TSPAN18: variants seen among roughly 807,000 people sequenced by gnomAD.
TSPAN18 encodes the protein tetraspanin-18.
In TSPAN18, 14 loss-of-function variants were observed where a neutral mutation model predicts 27.3. The ratio of observed to expected loss-of-function variants is 0.51; its 90% CI spans 0.34 to 0.80. The LOEUF (loss-of-function observed/expected upper bound fraction) is 0.80. TSPAN18 is among the 30% of genes least tolerant of loss of function. The pLI is 0.01. For synonymous variants in TSPAN18, 143 were observed against 136.5 expected, an observed-to-expected ratio of 1.05 and a Z score of -0.33; for missense variants, 268 against 323.9, an observed-to-expected ratio of 0.83 and a Z score of 1.32.
intron 2 of TSPAN18, among the ~76,000 whole-genome samples, chr11:44,802,071 C>T (rs1275923349): frequency 6.6e-6 from 1 of 152,110 alleles, no homozygotes; most frequent in Admixed American, 6.5e-5. Context: ...TCAAGAATGT[C>T]ATCATCCATG....
At position 44,932,140 on chromosome 11, in the gene TSPAN18, C is replaced by T. The variant is rs1860597727; in HGVS notation, c.*2962C>T. On this transcript the variant is annotated 3_prime_UTR_variant, in exon 10 of 10. Coordinates refer to ENST00000520358, the MANE Select transcript of TSPAN18 (RefSeq NM_130783.5). The stretch of plus-strand genomic sequence containing the variant: ...GCTTAAGGGGCCCGGACAGGATTTC[C>T]CAAACCAGCCGAGGCCCCAGCACCC... 6.6e-6 allele frequency: 1 copy of T among 152,208 alleles called. No homozygotes were observed. Among genetic ancestry groups the T allele is most frequent in the East Asian group, 1.9e-4 (1 of 5,192 alleles). The allele number at this position is 152,208 out of a possible 1,614,324, so 9.4% of individuals were successfully genotyped here.
At chr11:44,823,071 A>T (rs1258831354) in intron 2 of TSPAN18, among the ~76,000 whole-genome samples, 1 of 152,212 alleles carries the variant, frequency 6.6e-6, no homozygotes, top group Non-Finnish European at 1.5e-5. Context: ...TATCCAGGTC[A>T]TCACTTCATT....
At chr11:44,819,712 T>C (rs1422672927) in intron 2 of TSPAN18, among the ~76,000 whole-genome samples, 2 of 151,752 alleles carry the variant, frequency 1.3e-5, no homozygotes, top group Non-Finnish European at 2.9e-5. Flanking sequence ...TTTTTTTTTT[T>C]CCTCTTTCCT....
intron 3 of TSPAN18, among the ~76,000 whole-genome samples, chr11:44,889,970 T>C (rs1336078792): frequency 1.3e-5 from 2 of 152,214 alleles, no homozygotes; most frequent in Non-Finnish European, 2.9e-5. Flanking sequence ...CCAGAATGGC[T>C]GGGGCTGCCC....
In TSPAN18 at chr11:44,887,267, G is replaced by C. The variant is rs115562190; in HGVS notation, c.-10-19140G>C. ...TCAATTTCCACATCTGTAAGATGGG[G>C]GTGGCAATGCCTACTTGATAGGGAC... On this transcript the variant is annotated intron_variant, in intron 3 of 9. Coordinates refer to ENST00000520358, the MANE Select transcript of TSPAN18 (RefSeq NM_130783.5). Among the ~76,000 whole-genome samples the C allele has an allele frequency of 9.2e-3, 1,399 of 152,270 alleles. 16 individuals carry two copies. Among genetic ancestry groups the C allele is most frequent in the African/African-American group, 0.032 (1,343 of 41,548 alleles).
At chr11:44,904,108 C>G (rs952835622) in intron 3 of TSPAN18, among the ~76,000 whole-genome samples, 2 of 152,144 alleles carry the variant, frequency 1.3e-5, no homozygotes, top group African/African-American at 2.4e-5. Flanking sequence ...AGGACAAAGG[C>G]TTGGAGCCTG....
At chr11:44,753,711 T>C (rs1044752902) in intron 1 of TSPAN18, among the ~76,000 whole-genome samples, 2 of 152,224 alleles carry the variant, frequency 1.3e-5, no homozygotes, top group African/African-American at 4.8e-5. Flanking sequence ...TGTGGCTTGC[T>C]GAGTGAATAC....
chr11:44,812,502 G>A (rs1368382605), intron 2 of TSPAN18, among the ~76,000 whole-genome samples: 2 of 152,264 alleles, frequency 1.3e-5, no homozygotes, highest in Non-Finnish European at 2.9e-5. Context: ...TGGGGATGAC[G>A]CATAAACAGA....
intron 2 of TSPAN18, among the ~76,000 whole-genome samples, chr11:44,809,577 A>G (rs1252522141): frequency 6.6e-6 from 1 of 152,178 alleles, no homozygotes; most frequent in African/African-American, 2.4e-5. Context: ...GATGCTGAAC[A>G]TTAGTACAGA....
At chr11:44,762,935 A>G (rs1855486133) in intron 1 of TSPAN18, among the ~76,000 whole-genome samples, 1 of 152,136 alleles carries the variant, frequency 6.6e-6, no homozygotes, top group Admixed American at 6.5e-5. Flanking sequence ...GAACGTGATA[A>G]CCACTACACT....
chr11:44,906,362 G>C, intron 3 of TSPAN18, 45 bp from the exon 4 acceptor site: 3 of 1,589,270 alleles, frequency 1.9e-6, no homozygotes, highest in Non-Finnish European at 8.6e-7. Context: ...TTCTTCCTGG[G>C]TGGGGTCCCC....
chr11:44,728,885 A>G (rs1318886709), intron 1 of TSPAN18, among the ~76,000 whole-genome samples: 2 of 152,194 alleles, frequency 1.3e-5, no homozygotes, highest in Non-Finnish European at 2.9e-5. Context: ...ACCCCAAGTG[A>G]GTGCAAAGGA....
At chr11:44,795,691 GC>G (rs1856333649) in intron 2 of TSPAN18, among the ~76,000 whole-genome samples, 2 of 151,728 alleles carry the variant, frequency 1.3e-5, no homozygotes, top group Admixed American at 1.3e-4. Context: ...CCCATTTTCT[GC>G]CCCAGGAGCC....
intron 2 of TSPAN18, among the ~76,000 whole-genome samples, chr11:44,842,463 C>T (rs2135168617): frequency 6.6e-6 from 1 of 152,294 alleles, no homozygotes; most frequent in African/African-American, 2.4e-5. Context: ...CCGTGTATTT[C>T]TCTTTTGGAG....
intron 2 of TSPAN18, among the ~76,000 whole-genome samples, chr11:44,819,025 G>A (rs556994443): frequency 1.3e-5 from 2 of 152,294 alleles, no homozygotes; most frequent in South Asian, 4.1e-4. Context: ...GTCTCCCCAG[G>A]TCCCAGTTTC....
At chr11:44,730,624 CTT>C (rs1277542808) in intron 1 of TSPAN18, among the ~76,000 whole-genome samples, 33 of 140,406 alleles carry the variant, frequency 2.4e-4, no homozygotes, top group Admixed American at 2.9e-4. Context: ...TCATGAAACA[CTT>C]TTTTTTTTTT....
chr11:44,806,354 T>C (rs997175281), intron 2 of TSPAN18, among the ~76,000 whole-genome samples: 1 of 152,344 alleles, frequency 6.6e-6, no homozygotes, highest in East Asian at 1.9e-4. Context: ...AGCATTGTTA[T>C]ACTGTATGAA....
At chr11:44,898,512 C>T (rs992179583) in intron 3 of TSPAN18, among the ~76,000 whole-genome samples, 1 of 152,254 alleles carries the variant, frequency 6.6e-6, no homozygotes, top group African/African-American at 2.4e-5. Context: ...GTTGCTATGA[C>T]TGAACACCTG....
At chr11:44,768,027 G>C (rs936454090) in intron 2 of TSPAN18, among the ~76,000 whole-genome samples, 2 of 152,112 alleles carry the variant, frequency 1.3e-5, no homozygotes, top group Admixed American at 6.5e-5. Context: ...CTTAAAGTTG[G>C]GTAGTGTCAG....
Sources: allele counts gnomAD v4.1 joint callset (sites outside exome capture counted in the v4.1 genomes callset), GRCh38; gene constraint gnomAD v4.1.1; transcripts MANE v1.5; gene names NCBI Gene and HGNC (gene_info 2026-07-23, HGNC 2026-07-21).